The following RBM26 variants were observed in gnomAD, a reference collection of about 807,000 sequenced individuals.
RBM26 encodes the protein RNA binding motif protein 26.
A neutral mutation model predicts 123.6 loss-of-function variants in RBM26; 30 were observed. That is an observed-to-expected ratio of 0.24 (90% CI 0.18 to 0.33). The LOEUF is 0.33. Ranked by LOEUF, RBM26 falls within the 10% of genes least tolerant of loss-of-function variation. The pLI, the probability that RBM26 is intolerant of heterozygous loss-of-function variation, is 1.00. For missense variants in RBM26, 947 were observed against 1,203.6 expected (o/e 0.79, Z 3.15); for synonymous variants, 400 against 404.4 (o/e 0.99, Z 0.13).
At chr13:79,340,380 A>G (rs149705228) in intron 18 of RBM26, among the ~76,000 whole-genome samples, 1 of 152,088 alleles carries the variant, frequency 6.6e-6, no homozygotes, top group Non-Finnish European at 1.5e-5. Flanking sequence ...TGTCCAAAAA[A>G]TGATCAAGTT....
intron 1 of RBM26, among the ~76,000 whole-genome samples, chr13:79,404,292 C>G (rs578083277): frequency 3.9e-5 from 6 of 152,300 alleles, no homozygotes; most frequent in Non-Finnish European, 7.4e-5. Flanking sequence ...TCCCTCATCT[C>G]CCGCATTTAA....
chr13:79,375,063 T>C (rs138254936), intron 3 of RBM26, among the ~76,000 whole-genome samples: 1 of 57,634 alleles, frequency 1.7e-5, no homozygotes, highest in Non-Finnish European at 4.3e-5. Flanking sequence ...ATTTATATTT[T>C]TATATATTTA....
intron 3 of RBM26, among the ~76,000 whole-genome samples, chr13:79,372,583 T>C (rs2076009482): frequency 6.7e-6 from 1 of 150,188 alleles, no homozygotes; most frequent in Non-Finnish European, 1.5e-5. Context: ...TAACATATAT[T>C]CATGTTTTGG....
chr13:79,320,639 A>C lies in RBM26; in HGVS notation c.3006T>G (p.Ser1002=). 1.3e-6 allele frequency: 2 copies of C among 1,598,552 alleles called. No individual in the cohort carries two copies. The highest frequency in any genetic ancestry group is 1.7e-6 in the Non-Finnish European group (2 of 1,173,296). ...DDDEEEEDNE[S]RSWRR Reference sequence around the variant, plus strand: ...AGTCAAATCATCTTCTCCAAGAACGAGATTCATTGTCCTCTTCTTCTTCAT... The same window carrying C: ...AGTCAAATCATCTTCTCCAAGAACGCGATTCATTGTCCTCTTCTTCTTCAT... The change falls in exon 22 of 22, where the codon TCT becomes TCG. Residue 1002 remains serine, a synonymous_variant. Coordinates refer to ENST00000438737, the MANE Select transcript of RBM26 (RefSeq NM_001366735.2).
rs568206496 is a variant in RBM26, at chr13:79,395,604, A to G, written c.71+10100T>C. Among the ~76,000 whole-genome samples the G allele has an allele frequency of 2.6e-5, 4 of 152,204 alleles. No homozygotes were observed. The South Asian group carries it at 8.3e-4, about 32-fold the overall frequency. ...AAAAAAATAAAAATTAAATTAAAAA[A>G]TTAGCTGGGTGTGGTGGTGTGTGAC... On this transcript the variant is annotated intron_variant, in intron 1 of 21. Transcript: ENST00000438737.
Position 79,337,324 on chromosome 13 carries a change from G to A in RBM26, c.2533-22C>T. ...CAGCCTAGAAGAGATTAGACACACA[G>A]GTTAAACAATGCTGTGATTACTAAC... is the stretch of plus-strand genomic sequence containing the variant. On this transcript the variant is annotated intron_variant, in intron 18 of 21. Coordinates refer to ENST00000438737, the MANE Select transcript of RBM26 (RefSeq NM_001366735.2). The A allele has an allele frequency of 3.1e-6, 5 of 1,613,300 alleles. 1 individual carries two copies. In the South Asian group the frequency reaches 3.3e-5, roughly 11 times the overall value.
Position 79,366,683 on chromosome 13 carries a change from G to T in RBM26, c.1085C>A (p.Pro362His), listed in dbSNP as rs776801172. The change falls in exon 7 of 22, where the codon CCC (proline) becomes CAC (histidine). Residue 362 changes from proline to histidine, a missense_variant. Pro to His is a moderately conservative substitution (Grantham distance 77). Around this residue, in one of 5 missense-constraint regions of RBM26, gnomAD observed 493 missense variants for 563.1 expected, o/e 0.88. Transcript: ENST00000438737. Reference sequence around the variant, plus strand: ...CAATGGACCTGGCGGTGGTACTGGGGGCCTGAGATTCACAGGTGGGGGTGT... The same window carrying T: ...CAATGGACCTGGCGGTGGTACTGGGTGCCTGAGATTCACAGGTGGGGGTGT... Reference protein sequence around the residue: ...ILTPPPVNLRPPVPPPGPLPP... With the variant: ...ILTPPPVNLRHPVPPPGPLPP... The T allele has an allele frequency of 1.1e-5, 17 of 1,602,716 alleles. No individual in the cohort carries two copies. The highest frequency in any genetic ancestry group is 1.4e-5 in the Non-Finnish European group (17 of 1,173,372).
intron 10 of RBM26, among the ~76,000 whole-genome samples, chr13:79,358,696 A>C (rs571940355): frequency 4.8e-4 from 73 of 152,266 alleles, no homozygotes; most frequent in South Asian, 3.1e-3. Context: ...CCTCTACTTA[A>C]CATTCCTATC....
chr13:79,326,676 T>C (rs1215944383), intron 20 of RBM26, among the ~76,000 whole-genome samples: 3 of 152,104 alleles, frequency 2.0e-5, no homozygotes, highest in Non-Finnish European at 4.4e-5. Context: ...ACAAATGAAT[T>C]CTATTAAAAT....
At chr13:79,402,864 CT>C (rs1223413151) in intron 1 of RBM26, among the ~76,000 whole-genome samples, 5 of 12,446 alleles carry the variant, frequency 4.0e-4, no homozygotes, top group Non-Finnish European at 1.1e-3. Flanking sequence ...GTCTTGTTAC[CT>C]ACTATATCTT....
At chr13:79,332,481 C>A (rs906553324) in intron 20 of RBM26, among the ~76,000 whole-genome samples, 8 of 152,068 alleles carry the variant, frequency 5.3e-5, no homozygotes, top group Admixed American at 3.3e-4. Context: ...ATTTTCTATT[C>A]TTTTCAACAT....
At chr13:79,351,192 C>G (rs928231198) in intron 14 of RBM26, among the ~76,000 whole-genome samples, 1 of 152,252 alleles carries the variant, frequency 6.6e-6, no homozygotes, top group East Asian at 1.9e-4. Context: ...AAGTCCAAAT[C>G]TGACATTACA....
chr13:79,361,087 C>T (rs2074621621), intron 9 of RBM26, among the ~76,000 whole-genome samples: 1 of 152,126 alleles, frequency 6.6e-6, no homozygotes, highest in African/African-American at 2.4e-5. Context: ...CTCTGGAAAT[C>T]CTACAGGTAT....
chr13:79,381,363 T>G (rs1252684482), intron 1 of RBM26, among the ~76,000 whole-genome samples: 1 of 152,028 alleles, frequency 6.6e-6, no homozygotes, highest in Non-Finnish European at 1.5e-5. Flanking sequence ...ATCAACCAAA[T>G]CAACCAGACA....
chr13:79,394,996 C>A lies in RBM26; in HGVS notation c.71+10708G>T, dbSNP rs138516889. ...GAAGCCAATGGTGAACTGAATCAAA[C>A]GAAAGTTGTTACAAAGCCCAGAACC... On this transcript the variant is annotated intron_variant, in intron 1 of 21. Transcript: ENST00000438737. 1.8e-3 allele frequency among the ~76,000 whole-genome samples: 272 copies of A among 152,214 alleles called. 2 individuals are homozygous for A. The highest frequency in any genetic ancestry group is 6.1e-3 in the African/African-American group (253 of 41,534).
At chr13:79,401,594 C>G (rs1398004767) in intron 1 of RBM26, among the ~76,000 whole-genome samples, 2 of 152,166 alleles carry the variant, frequency 1.3e-5, no homozygotes, top group Non-Finnish European at 2.9e-5. Flanking sequence ...GTGGTAGTCA[C>G]AGCAGGAGTG....
At chr13:79,379,844 G>A (rs948759863) in intron 1 of RBM26, among the ~76,000 whole-genome samples, 2 of 151,712 alleles carry the variant, frequency 1.3e-5, no homozygotes, top group Non-Finnish European at 2.9e-5. Flanking sequence ...GATATGAATA[G>A]ATGCTAAAAC....
chr13:79,341,460 G>A (rs2071363891), intron 17 of RBM26, among the ~76,000 whole-genome samples: 1 of 151,674 alleles, frequency 6.6e-6, no homozygotes. Context: ...ACAGCAGCCA[G>A]AAGGAGATTT....
chr13:79,354,389 T>G, intron 13 of RBM26, 50 bp downstream of exon 13: 1 of 1,385,772 alleles, frequency 7.2e-7, no homozygotes, highest in Non-Finnish European at 9.5e-7. Flanking sequence ...CAAGGGAAAC[T>G]AAATTACTGA....
Sources: gnomAD v4.1 joint callset for allele counts (sites outside exome capture counted in the v4.1 genomes callset) on GRCh38, gnomAD v4.1.1 for gene constraint, gnomAD v4.1.1 regional missense constraint, MANE v1.5 for transcripts, NCBI Gene and HGNC (gene_info 2026-07-23, HGNC 2026-07-21) for gene names.